The following MAD1L1 variants were observed in gnomAD, a reference collection of about 807,000 sequenced individuals.
MAD1L1 encodes the protein mitotic arrest deficient 1 like 1.
MAD1L1 carries 95 observed loss-of-function variants against 96.9 expected under a neutral mutation model. The observed-to-expected ratio is 0.98, with a 90% CI of 0.83 to 1.16. The LOEUF is 1.16. Among genes scored for constraint, MAD1L1 ranks in the 50% most tolerant of loss-of-function variants. MAD1L1 has a pLI of 0.00. For missense variants in MAD1L1, 1,007 were observed against 954.4 expected, an observed-to-expected ratio of 1.06 and a Z score of -0.73; for synonymous variants, 473 against 396.6, an observed-to-expected ratio of 1.19 and a Z score of -2.29.
rs1562737615 is a variant in MAD1L1, at chr7:2,156,190, CGAGGGGAG to C, written c.987-6960_987-6953del. On this transcript the variant is annotated intron_variant, in intron 10 of 18. Coordinates refer to ENST00000265854, the MANE Select transcript of MAD1L1 (RefSeq NM_001013836.2). Reference sequence around the variant, plus strand: ...GCGCACGGTTTCACGGCGCGTGTGGCGAGGGGAGCGGGCGCACGGTTTCACGGCGCGTG... The same window carrying C: ...GCGCACGGTTTCACGGCGCGTGTGGCCGGGCGCACGGTTTCACGGCGCGTG... Among the ~76,000 whole-genome samples, 520 of 149,406 alleles carry C rather than the reference CGAGGGGAG, an allele frequency of 3.5e-3. 7 individuals carry two copies. Among genetic ancestry groups the C allele is most frequent in the African/African-American group, 0.012 (475 of 40,298 alleles).
chr7:1,863,448 G>C (rs1280971680), intron 18 of MAD1L1, among the ~76,000 whole-genome samples: 12 of 152,252 alleles, frequency 7.9e-5, no homozygotes, highest in Non-Finnish European at 1.8e-4. Context: ...TCTGTGAGGA[G>C]AAAGATGAGA....
In MAD1L1 at chr7:1,918,038, G is replaced by A. The variant is rs537779683; in HGVS notation, c.1807+18649C>T. ...CTGTATCCCTACAACCTGAATCGTG[G>A]GCCCACATATCACACCCCACCTCGC... On this transcript the variant is annotated intron_variant, in intron 17 of 18. Coordinates refer to ENST00000265854, the MANE Select transcript of MAD1L1 (RefSeq NM_001013836.2). Among the ~76,000 whole-genome samples the A allele has an allele frequency of 3.4e-4, 52 of 152,236 alleles. No individual in the cohort carries two copies. In the South Asian group the frequency reaches 9.1e-3, roughly 27 times the overall value.
chr7:2,045,813 C>T (rs183232966), intron 12 of MAD1L1, among the ~76,000 whole-genome samples: 4 of 152,190 alleles, frequency 2.6e-5, no homozygotes, highest in African/African-American at 9.7e-5. Context: ...CACTTCAGGG[C>T]CCGTCCCAGG....
chr7:1,825,608 G>C (rs1782347087), intron 18 of MAD1L1, among the ~76,000 whole-genome samples: 1 of 152,358 alleles, frequency 6.6e-6, no homozygotes, highest in Admixed American at 6.5e-5. Flanking sequence ...GCACAGCTCT[G>C]TCCACGGGTC....
In MAD1L1 at chr7:2,103,147, G is replaced by C. The variant is rs1437141637; in HGVS notation, c.1074-33809C>G. 6.6e-6 allele frequency among the ~76,000 whole-genome samples: 1 copy of C among 152,108 alleles called. No individual in the cohort carries two copies. Among genetic ancestry groups the C allele is most frequent in the African/African-American group, 2.4e-5 (1 of 41,440 alleles). On this transcript the variant is annotated intron_variant, in intron 11 of 18. Coordinates refer to ENST00000265854, the MANE Select transcript of MAD1L1 (RefSeq NM_001013836.2). This position sits in a 1 kb window ranked among gnomAD's most constrained non-coding sequence, Gnocchi z 4.3. ...CTTGCTGCTGCCTCTGCCTGGAACGGGCTCTCTCCCCTGCCCCTGCACCCT... is the reference window on the plus strand; with the variant it reads ...CTTGCTGCTGCCTCTGCCTGGAACGCGCTCTCTCCCCTGCCCCTGCACCCT...
At chr7:1,971,972 G>A (rs991222058) in intron 15 of MAD1L1, among the ~76,000 whole-genome samples, 4 of 152,162 alleles carry the variant, frequency 2.6e-5, no homozygotes, top group African/African-American at 9.7e-5. Flanking sequence ...TGTGGGAAAC[G>A]TACAAGGAGG....
chr7:2,175,730 C>A (rs886715965), intron 10 of MAD1L1, among the ~76,000 whole-genome samples: 2 of 152,148 alleles, frequency 1.3e-5, no homozygotes, highest in East Asian at 3.9e-4. Context: ...GGCATTCCCA[C>A]CACAGAAAGG....
intron 14 of MAD1L1, among the ~76,000 whole-genome samples, chr7:1,993,258 C>A (rs558840001): frequency 2.6e-4 from 39 of 152,288 alleles, no homozygotes; most frequent in Non-Finnish European, 2.2e-4. Flanking sequence ...CCAGGAATAA[C>A]CCTAGTAAGC....
chr7:1,983,068 ACT>A (rs761784195), intron 14 of MAD1L1, among the ~76,000 whole-genome samples: 3 of 152,162 alleles, frequency 2.0e-5, no homozygotes, highest in African/African-American at 4.8e-5. Context: ...TAACAATGAC[ACT>A]GATACACGTA....
chr7:2,019,912 T>C (rs4721312), intron 12 of MAD1L1, among the ~76,000 whole-genome samples: 29,071 of 152,250 alleles, frequency 0.19, 5,489 homozygotes, highest in African/African-American at 0.48. Flanking sequence ...GGTTTTTTTT[T>C]TTGACAACTG....
chr7:2,221,144 C>T, intron 5 of MAD1L1: 1 of 852,834 alleles, frequency 1.2e-6, no homozygotes, highest in Non-Finnish European at 1.8e-6. Context: ...ATCTTCCCCT[C>T]ACTATGCCCC....
chr7:2,135,899 G>A (rs141898622), intron 11 of MAD1L1, among the ~76,000 whole-genome samples: 30 of 152,334 alleles, frequency 2.0e-4, no homozygotes, highest in African/African-American at 6.5e-4. Context: ...CTCACAAGCA[G>A]CCAGGCATTT....
intron 10 of MAD1L1, among the ~76,000 whole-genome samples, chr7:2,173,273 G>C (rs1212814473): frequency 6.6e-6 from 1 of 152,124 alleles, no homozygotes; most frequent in Non-Finnish European, 1.5e-5. Context: ...GGATGGAAGA[G>C]GAGGCCATGG....
At chr7:1,967,558 G>A (rs566565162) in intron 15 of MAD1L1, among the ~76,000 whole-genome samples, 3 of 152,258 alleles carry the variant, frequency 2.0e-5, no homozygotes, top group African/African-American at 7.2e-5. Context: ...AAGCAGTGCC[G>A]TCCCAGGAGC....
intron 12 of MAD1L1, among the ~76,000 whole-genome samples, chr7:2,044,022 C>T (rs1205305923): frequency 6.6e-6 from 1 of 152,238 alleles, no homozygotes; most frequent in Non-Finnish European, 1.5e-5. Context: ...AATGCTCCAG[C>T]AACCACAGCA....
In MAD1L1 at chr7:1,886,999, C is replaced by T. The variant is rs368676728; in HGVS notation, c.1998+11201G>A. ...AGGGCTGTCAGTGACCGCATGGCAG[C>T]GGCAGGGAGAACAGGAAGAAGACTC... On this transcript the variant is annotated intron_variant, in intron 18 of 18. Coordinates refer to ENST00000265854, the MANE Select transcript of MAD1L1 (RefSeq NM_001013836.2). 2.3e-4 allele frequency among the ~76,000 whole-genome samples: 35 copies of T among 152,388 alleles called. No homozygotes were observed. The East Asian group carries it at 4.6e-3, about 20-fold the overall frequency.
intron 15 of MAD1L1, 139 bp downstream of exon 15, chr7:1,980,314 C>T (rs1780836036): frequency 7.1e-6 from 5 of 703,244 alleles, no homozygotes; most frequent in South Asian, 3.7e-5. Context: ...GTGGGACACA[C>T]CTGGGCGTAT....
At chr7:2,222,104 T>C (rs933592870) in intron 5 of MAD1L1, among the ~76,000 whole-genome samples, 18 of 151,690 alleles carry the variant, frequency 1.2e-4, no homozygotes, top group African/African-American at 4.4e-4. Context: ...GACAGAGTCT[T>C]GCTGTGTTGC....
intron 12 of MAD1L1, among the ~76,000 whole-genome samples, chr7:2,060,518 T>TCGAGATACGCTAATGC (rs1480142323): frequency 6.6e-6 from 1 of 151,448 alleles, no homozygotes; most frequent in Non-Finnish European, 1.5e-5. Flanking sequence ...AACGCTAATG[T>TCGAGATACGCTAATGC]CGAGATACGC....
Sources: gnomAD v4.1 joint callset for allele counts (sites outside exome capture counted in the v4.1 genomes callset) on GRCh38, gnomAD v4.1.1 for gene constraint, Gnocchi (gnomAD v3.1) non-coding constraint, MANE v1.5 for transcripts, NCBI Gene and HGNC (gene_info 2026-07-23, HGNC 2026-07-21) for gene names.